NSD3: variants seen among roughly 807,000 people sequenced by gnomAD.
NSD3 encodes nuclear receptor binding SET domain protein 3.
A neutral mutation model predicts 160.8 loss-of-function variants in NSD3; 24 were observed. That is an observed-to-expected ratio of 0.15 (90% CI 0.11 to 0.21). The LOEUF is 0.21. NSD3 is among the 10% of genes least tolerant of loss of function. The probability of loss-of-function intolerance (pLI) is 1.00; values close to 1 mark genes in which losing one functional copy is unlikely to be tolerated. For missense variants in NSD3, 1,157 were observed against 1,735.9 expected (o/e 0.67, Z 5.93); for synonymous variants, 520 against 600.0 (o/e 0.87, Z 1.95).
intron 17 of NSD3, among the ~76,000 whole-genome samples, chr8:38,290,110 G>A (rs1001963748): frequency 6.6e-6 from 1 of 152,116 alleles, no homozygotes; most frequent in Non-Finnish European, 1.5e-5. Flanking sequence ...CAGCTACTCG[G>A]GAGGCTGAGG....
At chr8:38,295,758 T>C in intron 16 of NSD3, 38 bp downstream of exon 16, 1 of 1,600,462 alleles carries the variant, frequency 6.2e-7, no homozygotes, top group Non-Finnish European at 8.5e-7. Flanking sequence ...GTCTGCACAA[T>C]GATTGAATAC....
intron 7 of NSD3, among the ~76,000 whole-genome samples, chr8:38,324,112 T>G (rs1342644385): frequency 6.6e-6 from 1 of 152,220 alleles, no homozygotes; most frequent in Non-Finnish European, 1.5e-5. Context: ...CATTCTCAAT[T>G]ATGGCTAATA....
intron 17 of NSD3, among the ~76,000 whole-genome samples, chr8:38,289,957 T>C (rs1452347609): frequency 1.3e-5 from 2 of 152,198 alleles, no homozygotes; most frequent in African/African-American, 2.4e-5. Context: ...GGCTCAGAGC[T>C]ATAATCCCAA....
At chr8:38,278,667 A>G (rs565057228) in intron 21 of NSD3, among the ~76,000 whole-genome samples, 4 of 152,362 alleles carry the variant, frequency 2.6e-5, no homozygotes, top group Admixed American at 2.6e-4. Context: ...GGTTGAAACC[A>G]AAGTGATAGG....
intron 1 of NSD3, among the ~76,000 whole-genome samples, chr8:38,377,241 CG>C (rs113212402): frequency 0.21 from 31,433 of 151,994 alleles, 3,491 homozygotes; most frequent in East Asian, 0.31. Context: ...TTAGTAGAGA[CG>C]GGAGTTTCAC....
At chr8:38,327,906 A>G (rs573898837) in intron 6 of NSD3, among the ~76,000 whole-genome samples, 2 of 152,308 alleles carry the variant, frequency 1.3e-5, no homozygotes, top group Admixed American at 1.3e-4. Flanking sequence ...TTATAAACAT[A>G]TATGTATTTT....
intron 1 of NSD3, among the ~76,000 whole-genome samples, chr8:38,352,353 T>A (rs1275422392): frequency 6.6e-6 from 1 of 152,136 alleles, no homozygotes; most frequent in African/African-American, 2.4e-5. Context: ...TATGTATTGC[T>A]TTACATTGGT....
At chr8:38,314,835 G>C in intron 11 of NSD3, 62 bp from the exon 12 acceptor site, 1 of 1,551,658 alleles carries the variant, frequency 6.4e-7, no homozygotes, top group Non-Finnish European at 8.8e-7. Flanking sequence ...CACATGGGCG[G>C]CTTGTTAAAC....
intron 1 of NSD3, among the ~76,000 whole-genome samples, chr8:38,354,690 C>T (rs1169440558): frequency 6.6e-6 from 1 of 151,662 alleles, no homozygotes; most frequent in Non-Finnish European, 1.5e-5. Flanking sequence ...ATTCTTTTAA[C>T]TTTTCTAAAG....
chr8:38,381,729 T>TAC (rs1219673847), intron 1 of NSD3, 70 bp downstream of exon 1: 2 of 144,584 alleles, frequency 1.4e-5, no homozygotes, highest in African/African-American at 2.6e-5. Flanking sequence ...TTCCTAGCAC[T>TAC]ACACACGCGC....
intron 2 of NSD3, among the ~76,000 whole-genome samples, chr8:38,346,063 A>G (rs1810515564): frequency 6.6e-6 from 1 of 151,888 alleles, no homozygotes; most frequent in East Asian, 1.9e-4. Context: ...TACTAGAAAC[A>G]TCACTGATTA....
intron 2 of NSD3, among the ~76,000 whole-genome samples, chr8:38,346,273 T>C (rs1287523642): frequency 3.4e-5 from 5 of 147,912 alleles, no homozygotes; most frequent in Non-Finnish European, 7.4e-5. Flanking sequence ...ATGAAGACTA[T>C]GTATATATAC....
chr8:38,297,877 T>C (rs891944352), intron 15 of NSD3, among the ~76,000 whole-genome samples: 1 of 152,094 alleles, frequency 6.6e-6, no homozygotes, highest in African/African-American at 2.4e-5. Context: ...GCAAACAGCT[T>C]TAGAGGACAT....
rs1300593562 is a variant in NSD3, at chr8:38,329,883, G to C, written c.1076C>G (p.Pro359Arg). 1.3e-6 allele frequency: 2 copies of C among 1,576,794 alleles called. No individual in the cohort carries two copies. The highest frequency in any genetic ancestry group is 1.7e-6 in the Non-Finnish European group (2 of 1,165,242). The change falls in exon 6 of 24, where the codon CCC (proline) becomes CGC (arginine). Residue 359 changes from proline (P) to arginine (R), a missense_variant. Physicochemically the swap from Pro to Arg is moderately radical, Grantham distance 103 (BLOSUM62 -2). Transcript: ENST00000317025. The surrounding 1 kb of genome is among the most constrained non-coding windows in gnomAD (Gnocchi z 4.8). ...CTGAGCACGTTCTCTCTGAGGTCGG[G>C]GTTTCCGAATCTTTAAAAAAGATAG... ...NHSEKQKIRK[P>R]RPQRERAQWD...
At chr8:38,334,969 T>A (rs1810177289) in intron 4 of NSD3, among the ~76,000 whole-genome samples, 1 of 150,936 alleles carries the variant, frequency 6.6e-6, no homozygotes, top group Non-Finnish European at 1.5e-5. Flanking sequence ...TGCCTGGGGG[T>A]ACCAGGCTAG....
rs372730134 is a variant in NSD3 at position 38,288,660 on chromosome 8, A to G, written c.3328T>C (p.Leu1110=). Residue 1110 remains leucine, a synonymous_variant, in exon 19 of 24, where the codon TTG becomes CTG. Coordinates refer to ENST00000317025, the MANE Select transcript of NSD3 (RefSeq NM_023034.2). This position sits in a 1 kb window ranked among gnomAD's most constrained non-coding sequence, Gnocchi z 4.5. ...CKPADENPCG[L]ESECLNRMLQ... ...ATTCTGTTCAGGCACTCCGATTCCA[A>G]GCCACAAGGGTTTTCATCAGCTGGC... is the stretch of plus-strand genomic sequence containing the variant. The G allele has an allele frequency of 1.2e-5, 20 of 1,614,098 alleles. No individual in the cohort carries two copies. The highest frequency in any genetic ancestry group is 1.6e-5 in the Non-Finnish European group (19 of 1,180,050).
rs1809996981 is a variant in NSD3, at chr8:38,329,406, A to G, written c.1553T>C (p.Phe518Ser). Residue 518 changes from phenylalanine to serine, a missense_variant, in exon 6 of 24, where the codon TTT becomes TCT. Transcript: ENST00000317025. The surrounding 1 kb of genome is among the most constrained non-coding windows in gnomAD (Gnocchi z 4.8). The stretch of plus-strand genomic sequence containing the variant: ...TGTTGAATAAACAAATTGATCGATA[A>G]ATTTCCCATCCCCTGTAGCATTCTG... ...ALQNATGDGK[F>S]IDQFVYSTKG... 6.2e-7 allele frequency: 1 copy of G among 1,610,876 alleles called. No homozygotes were observed. Among genetic ancestry groups the G allele is most frequent in the African/African-American group, 1.3e-5 (1 of 74,838 alleles).
chr8:38,328,151 C>T (rs1021050467), intron 6 of NSD3, among the ~76,000 whole-genome samples: 2 of 152,040 alleles, frequency 1.3e-5, no homozygotes, highest in Non-Finnish European at 2.9e-5. Context: ...GACCACTGCA[C>T]TCCAGCCTGG....
At chr8:38,335,269 T>C (rs975642231) in intron 4 of NSD3, among the ~76,000 whole-genome samples, 5 of 152,318 alleles carry the variant, frequency 3.3e-5, no homozygotes, top group African/African-American at 1.2e-4. Context: ...ATTACAGGCA[T>C]GAGGCACCTT....
Sources: allele counts gnomAD v4.1 joint callset (sites outside exome capture counted in the v4.1 genomes callset), GRCh38; gene constraint gnomAD v4.1.1; non-coding constraint Gnocchi (gnomAD v3.1); transcripts MANE v1.5; gene names NCBI Gene and HGNC (gene_info 2026-07-23, HGNC 2026-07-21).